Variants in COMMD10 observed in about 807,000 individuals in gnomAD.
The protein encoded by COMMD10 is COMM domain containing 10.
Under a neutral mutation model 28.9 loss-of-function variants are expected in COMMD10, and 33 were observed. The observed-to-expected ratio is 1.14, with a 90% CI of 0.87 to 1.53. The LOEUF (loss-of-function observed/expected upper bound fraction) is 1.53, where lower values mean the gene tolerates loss of function less well. Ranked by LOEUF, COMMD10 falls within the 40% of genes most tolerant of loss-of-function variation. COMMD10 has a pLI of 0.00. For missense variants in COMMD10, 310 were observed against 233.4 expected (o/e 1.33, Z -2.14); for synonymous variants, 110 against 81.7 (o/e 1.35, Z -1.87).
At chr5:116,264,205 A>G (rs1750522712) in intron 5 of COMMD10, among the ~76,000 whole-genome samples, 1 of 151,762 alleles carries the variant, frequency 6.6e-6, no homozygotes, top group African/African-American at 2.4e-5. Context: ...TTCTTAGAGG[A>G]ATTTTAGTGA....
intron 5 of COMMD10, among the ~76,000 whole-genome samples, chr5:116,223,344 A>G (rs967527284): frequency 1.4e-5 from 2 of 139,120 alleles, no homozygotes; most frequent in Admixed American, 6.9e-5. Context: ...TCTTATTACA[A>G]TGTAATATGT....
At chr5:116,123,755 T>C (rs1230690628) in intron 4 of COMMD10, among the ~76,000 whole-genome samples, 1 of 152,178 alleles carries the variant, frequency 6.6e-6, no homozygotes, top group African/African-American at 2.4e-5. Context: ...GAGCCTGTTA[T>C]TGGTCTATTC....
At chr5:116,172,659 T>C (rs1430260520) in intron 5 of COMMD10, among the ~76,000 whole-genome samples, 4 of 152,140 alleles carry the variant, frequency 2.6e-5, no homozygotes, top group Non-Finnish European at 5.9e-5. Context: ...TGTTATAAAG[T>C]CATACTCCAG....
intron 4 of COMMD10, among the ~76,000 whole-genome samples, chr5:116,110,824 T>G (rs1301442700): frequency 6.6e-6 from 1 of 152,060 alleles, no homozygotes; most frequent in African/African-American, 2.4e-5. Flanking sequence ...TGCTACACAC[T>G]TTTAAACCAC....
At chr5:116,241,036 C>T (rs1301619766) in intron 5 of COMMD10, among the ~76,000 whole-genome samples, 1 of 152,088 alleles carries the variant, frequency 6.6e-6, no homozygotes, top group African/African-American at 2.4e-5. Context: ...ATCTGAGACC[C>T]AGTAAGATTA....
chr5:116,125,038 A>G (rs1300027144), intron 4 of COMMD10, among the ~76,000 whole-genome samples: 1 of 152,140 alleles, frequency 6.6e-6, no homozygotes, highest in South Asian at 2.1e-4. Context: ...TAATTGGAAC[A>G]TTTAGCCCAT....
chr5:116,250,947 T>C (rs1254493725), intron 5 of COMMD10, among the ~76,000 whole-genome samples: 1 of 151,974 alleles, frequency 6.6e-6, no homozygotes, highest in African/African-American at 2.4e-5. Flanking sequence ...GGCATGCCAC[T>C]ACTAAGCCTA....
chr5:116,152,644 C>G (rs577512112), intron 5 of COMMD10, among the ~76,000 whole-genome samples: 1 of 152,014 alleles, frequency 6.6e-6, no homozygotes, highest in Non-Finnish European at 1.5e-5. Flanking sequence ...GAGAATAAAA[C>G]ATCTTTTAAA....
chr5:116,189,037 TTATTGA>T (rs1748252147), intron 5 of COMMD10, among the ~76,000 whole-genome samples: 1 of 152,162 alleles, frequency 6.6e-6, no homozygotes, highest in Admixed American at 6.5e-5. Flanking sequence ...AATAAAAAAT[TTATTGA>T]TGGCTCATTG....
intron 5 of COMMD10, among the ~76,000 whole-genome samples, chr5:116,162,774 A>G (rs374988202): frequency 6.6e-6 from 1 of 152,186 alleles, no homozygotes; most frequent in Admixed American, 6.5e-5. Flanking sequence ...TTAGAGACAT[A>G]GTGGTAAATG....
intron 5 of COMMD10, among the ~76,000 whole-genome samples, chr5:116,164,024 T>C (rs1183022634): frequency 6.6e-6 from 1 of 152,072 alleles, no homozygotes; most frequent in African/African-American, 2.4e-5. Flanking sequence ...TTAGTCAATA[T>C]AACACTCTGA....
At chr5:116,118,824 C>G (rs925615997) in intron 4 of COMMD10, among the ~76,000 whole-genome samples, 1 of 152,100 alleles carries the variant, frequency 6.6e-6, no homozygotes, top group African/African-American at 2.4e-5. Context: ...CTAAGAGACC[C>G]TTAATCAGTC....
chr5:116,096,882 C>A (rs1750486790), intron 4 of COMMD10, among the ~76,000 whole-genome samples: 1 of 151,778 alleles, frequency 6.6e-6, no homozygotes, highest in Non-Finnish European at 1.5e-5. Flanking sequence ...CCCTGCAATT[C>A]TTTTTTTAAG....
intron 5 of COMMD10, among the ~76,000 whole-genome samples, chr5:116,209,994 G>A (rs1010868444): frequency 4.6e-5 from 7 of 152,142 alleles, no homozygotes; most frequent in African/African-American, 1.4e-4. Flanking sequence ...CTGGCATCTG[G>A]TAAGGGCCTT....
intron 5 of COMMD10, among the ~76,000 whole-genome samples, chr5:116,168,507 C>T (rs534210680): frequency 1.7e-4 from 26 of 152,210 alleles, no homozygotes; most frequent in Non-Finnish European, 3.2e-4. Flanking sequence ...CAGAACTCTC[C>T]ACCCCAATCA....
intron 5 of COMMD10, among the ~76,000 whole-genome samples, chr5:116,243,405 G>A (rs545751051): frequency 6.6e-6 from 1 of 152,086 alleles, no homozygotes; most frequent in Non-Finnish European, 1.5e-5. Context: ...CACCCCAGAA[G>A]TGAAAATTTA....
At chr5:116,143,179 A>G (rs1411162364) in intron 5 of COMMD10, among the ~76,000 whole-genome samples, 1 of 151,258 alleles carries the variant, frequency 6.6e-6, no homozygotes, top group African/African-American at 2.4e-5. Context: ...GCATAACGCA[A>G]TGCAAACTTC....
chr5:116,182,625 C>G (rs139733838), intron 5 of COMMD10, among the ~76,000 whole-genome samples: 161 of 152,108 alleles, frequency 1.1e-3, no homozygotes, highest in African/African-American at 3.7e-3. Context: ...GGAAAGCAAT[C>G]TATTTGGGGA....
At chr5:116,197,670 C>G (rs1163973938) in intron 5 of COMMD10, among the ~76,000 whole-genome samples, 1 of 152,162 alleles carries the variant, frequency 6.6e-6, no homozygotes, top group Non-Finnish European at 1.5e-5. Context: ...GTGTGAGCCA[C>G]CGTGCCTGGC....
Sources: gnomAD v4.1 joint callset for allele counts (sites outside exome capture counted in the v4.1 genomes callset) on GRCh38, gnomAD v4.1.1 for gene constraint, MANE v1.5 for transcripts, NCBI Gene and HGNC (gene_info 2026-07-23, HGNC 2026-07-21) for gene names.